Variants in SFXN5 observed in about 807,000 individuals in gnomAD.
SFXN5 encodes the protein sideroflexin-5.
SFXN5 carries 43 observed loss-of-function variants against 50.2 expected under a neutral mutation model. That is an observed-to-expected ratio of 0.86 (90% CI 0.67 to 1.11). The LOEUF is 1.11. SFXN5 is among the 50% of genes least tolerant of loss of function. The pLI is 0.00. For missense variants in SFXN5, 463 were observed against 454.1 expected, an observed-to-expected ratio of 1.02 and a Z score of -0.18; for synonymous variants, 203 against 185.8, an observed-to-expected ratio of 1.09 and a Z score of -0.75.
chr2:72,960,826 C>T lies in SFXN5; in HGVS notation c.945+305G>A, dbSNP rs983829801. Among the ~76,000 whole-genome samples, 1 of 152,190 alleles carries T rather than the reference C, an allele frequency of 6.6e-6. No individual in the cohort carries two copies. Among genetic ancestry groups the T allele is most frequent in the Non-Finnish European group, 1.5e-5 (1 of 68,038 alleles). On this transcript the variant is annotated intron_variant, in intron 13 of 13. Transcript: ENST00000272433. This position sits in a 1 kb window ranked among gnomAD's most constrained non-coding sequence, Gnocchi z 6.1. ...CTTTTCATCTGGCCAACTCCAGCCA[C>T]GCTCCCAGTCCCAGTGAAATGTCAC...
chr2:72,952,744 G>A (rs186254617), intron 13 of SFXN5, among the ~76,000 whole-genome samples: 58 of 152,114 alleles, frequency 3.8e-4, no homozygotes, highest in Non-Finnish European at 7.8e-4. Flanking sequence ...AGATCTCCTG[G>A]TGCCACGAGG....
At position 72,950,057 on chromosome 2, in the gene SFXN5, G is replaced by A. The variant is rs563466922; in HGVS notation, c.946-4958C>T. 2.0e-5 allele frequency among the ~76,000 whole-genome samples: 3 copies of A among 152,092 alleles called. No individual in the cohort carries two copies. The South Asian group carries it at 6.2e-4, about 32-fold the overall frequency. On this transcript the variant is annotated intron_variant, in intron 13 of 13. Coordinates refer to ENST00000272433, the MANE Select transcript of SFXN5 (RefSeq NM_144579.3). The surrounding 1 kb of genome is among the most constrained non-coding windows in gnomAD (Gnocchi z 4.2). ...GAGCTCTGGGCAGGAGAAAGCGCCC[G>A]GGATGTGTGAGCATAGCCAGATCCT... is the stretch of plus-strand genomic sequence containing the variant.
intron 5 of SFXN5, among the ~76,000 whole-genome samples, chr2:73,021,961 G>A (rs774712366): frequency 6.6e-6 from 1 of 152,194 alleles, no homozygotes; most frequent in Non-Finnish European, 1.5e-5. Context: ...CAGGGATCTT[G>A]TATCACCCTC....
intron 13 of SFXN5, among the ~76,000 whole-genome samples, chr2:72,952,271 G>C (rs1672617766): frequency 6.6e-6 from 1 of 152,144 alleles, no homozygotes. Context: ...ACCCTCTAAG[G>C]CTGCCTCCTC....
chr2:73,031,286 T>C (rs1678265842), intron 3 of SFXN5, among the ~76,000 whole-genome samples: 2 of 152,220 alleles, frequency 1.3e-5, no homozygotes, highest in African/African-American at 4.8e-5. Context: ...CTCCATGCTT[T>C]CTGTCCCCTT....
Position 72,961,192 on chromosome 2 carries a change from C to T in SFXN5, c.884G>A (p.Cys295Tyr). 6.4e-7 allele frequency: 1 copy of T among 1,566,794 alleles called. No individual in the cohort carries two copies. The highest frequency in any genetic ancestry group is 8.6e-7 in the Non-Finnish European group (1 of 1,161,272). ...RLLLPVQSLVCLAAFGLALPL... is the reference protein window; with the variant it reads ...RLLLPVQSLVYLAAFGLALPL... ...CAGGGCCAGGCCGAAGGCTGCCAGG[C>T]ACACGAGGCTTTGCACAGGGAGGAG... Residue 295 changes from cysteine to tyrosine, a missense_variant, in exon 13 of 14, where the codon TGC (cysteine) becomes TAC (tyrosine). Transcript: ENST00000272433. This position sits in a 1 kb window ranked among gnomAD's most constrained non-coding sequence, Gnocchi z 4.4.
At chr2:73,004,697 T>A (rs993777674) in intron 6 of SFXN5, among the ~76,000 whole-genome samples, 4 of 151,924 alleles carry the variant, frequency 2.6e-5, no homozygotes, top group Non-Finnish European at 5.9e-5. Context: ...ATCGGCCAAA[T>A]GGAGCCTTAG....
At chr2:72,990,727 C>G (rs570362753) in intron 9 of SFXN5, among the ~76,000 whole-genome samples, 2 of 152,190 alleles carry the variant, frequency 1.3e-5, no homozygotes, top group Admixed American at 6.5e-5. Context: ...AGCATTTGAA[C>G]GCAGGGCCTG....
chr2:73,042,038 C>T (rs967183775), intron 2 of SFXN5, among the ~76,000 whole-genome samples: 11 of 152,062 alleles, frequency 7.2e-5, no homozygotes, highest in Non-Finnish European at 1.5e-4. Flanking sequence ...ATATTTTCAA[C>T]ATTTTAAAAA....
intron 9 of SFXN5, 21 bp downstream of exon 9, chr2:72,998,928 A>C: frequency 6.2e-7 from 1 of 1,613,262 alleles, no homozygotes; most frequent in Non-Finnish European, 8.5e-7. Context: ...GCCAAGAAGG[A>C]GCAGGGGAGG....
At chr2:73,020,166 G>A (rs370888459) in intron 6 of SFXN5, 73 bp downstream of exon 6, 557 of 1,394,274 alleles carry the variant, frequency 4.0e-4, no homozygotes, top group Non-Finnish European at 4.8e-4. Flanking sequence ...TCAAATACCC[G>A]TGAGCAATAA....
chr2:73,023,099 AG>A, intron 4 of SFXN5, 88 bp downstream of exon 4: 3 of 1,341,886 alleles, frequency 2.2e-6, no homozygotes, highest in Non-Finnish European at 3.1e-6. Flanking sequence ...GAGCCACCGG[AG>A]GGGGGCTTCC....
At chr2:73,003,234 A>G (rs1011839981) in intron 6 of SFXN5, among the ~76,000 whole-genome samples, 4 of 152,176 alleles carry the variant, frequency 2.6e-5, no homozygotes, top group African/African-American at 7.2e-5. Flanking sequence ...GAAGTTAATA[A>G]GGCTGTTCAC....
chr2:73,028,782 AG>A (rs1677921059), intron 3 of SFXN5, among the ~76,000 whole-genome samples: 1 of 152,224 alleles, frequency 6.6e-6, no homozygotes, highest in Admixed American at 6.5e-5. Context: ...TTCTGAGGAA[AG>A]GAGACAATGC....
chr2:73,029,430 T>C (rs1266829932), intron 3 of SFXN5, among the ~76,000 whole-genome samples: 1 of 131,128 alleles, frequency 7.6e-6, no homozygotes, highest in South Asian at 2.2e-4. Context: ...AAATGAGCAG[T>C]TTTTTTTTTA....
intron 10 of SFXN5, among the ~76,000 whole-genome samples, chr2:72,976,543 T>G (rs926270706): frequency 6.6e-6 from 1 of 152,222 alleles, no homozygotes; most frequent in Non-Finnish European, 1.5e-5. Flanking sequence ...GAAATTATAC[T>G]ATTCATCTTA....
chr2:72,942,582 A>C lies in SFXN5; in HGVS notation c.*2440T>G, dbSNP rs1299063585. ...GCCTCCCTTCCTCTGGCCTCAGCAG[A>C]GTGGGGCATGGGTGCTGGGTGAAGG... On this transcript the variant is annotated 3_prime_UTR_variant, in exon 14 of 14. Transcript: ENST00000272433. 1 of 152,312 alleles carries C rather than the reference A, an allele frequency of 6.6e-6. No homozygotes were observed. Among genetic ancestry groups the C allele is most frequent in the African/African-American group, 2.4e-5 (1 of 41,442 alleles). The allele number at this position is 152,312 out of a possible 1,614,324, so 9.4% of individuals were successfully genotyped here.
At chr2:72,982,286 T>A (rs181335087) in intron 10 of SFXN5, among the ~76,000 whole-genome samples, 4 of 152,294 alleles carry the variant, frequency 2.6e-5, no homozygotes, top group Admixed American at 2.0e-4. Context: ...TCATCCACCC[T>A]AGGCCTGCTG....
chr2:72,991,012 T>G (rs1423277012), intron 9 of SFXN5, among the ~76,000 whole-genome samples: 3 of 151,922 alleles, frequency 2.0e-5, no homozygotes, highest in Non-Finnish European at 4.4e-5. Flanking sequence ...TTTAAGAAGA[T>G]ATAGGAAGTG....
Sources: gnomAD v4.1 joint callset for allele counts (sites outside exome capture counted in the v4.1 genomes callset) on GRCh38, gnomAD v4.1.1 for gene constraint, Gnocchi (gnomAD v3.1) non-coding constraint, MANE v1.5 for transcripts, NCBI Gene and HGNC (gene_info 2026-07-23, HGNC 2026-07-21) for gene names.